The following KLF8 variants were observed in gnomAD, a reference collection of about 807,000 sequenced individuals.
KLF8 encodes the protein KLF transcription factor 8.
KLF8 carries 10 observed loss-of-function variants against 18.2 expected under a neutral mutation model. The observed-to-expected ratio is 0.55, with a 90% CI of 0.34 to 0.93. The LOEUF is 0.93. Ranked by LOEUF, KLF8 falls within the 40% of genes least tolerant of loss-of-function variation. The pLI is 0.02. For synonymous variants in KLF8, 109 were observed against 97.3 expected (o/e 1.12, Z -0.71); for missense variants, 264 against 277.9 (o/e 0.95, Z 0.36).
the KLF8 span, among the ~76,000 whole-genome samples, chrX:55,966,785 G>A: frequency 8.9e-6 from 1 of 111,875 alleles, no homozygotes; most frequent in Non-Finnish European, 1.9e-5. Context: ...GCTAAAGAAG[G>A]CACCAGGGAC....
At chrX:55,989,705 A>T in the KLF8 span, among the ~76,000 whole-genome samples, 1 of 111,857 alleles carries the variant, frequency 8.9e-6, no homozygotes, top group Admixed American at 9.4e-5. Flanking sequence ...TATCAGGATA[A>T]TTCTGGCCTC....
At chrX:55,944,244 T>C in the KLF8 span, among the ~76,000 whole-genome samples, 86 of 109,375 alleles carry the variant, frequency 7.9e-4, no homozygotes, top group Non-Finnish European at 1.2e-3. Context: ...AGTATTTTAT[T>C]GAGGATTTTT....
the KLF8 span, among the ~76,000 whole-genome samples, chrX:55,997,876 G>C: frequency 8.0e-4 from 88 of 110,361 alleles, no homozygotes; most frequent in Non-Finnish European, 1.6e-3. Flanking sequence ...AAAGAAATAA[G>C]GGGACCTGGG....
the KLF8 span, among the ~76,000 whole-genome samples, chrX:55,983,921 C>A: frequency 9.1e-6 from 1 of 109,747 alleles, no homozygotes; most frequent in South Asian, 3.9e-4. Flanking sequence ...ATAATGGTTT[C>A]CAGTTCCACC....
the KLF8 span, among the ~76,000 whole-genome samples, chrX:56,147,851 A>G: frequency 8.9e-6 from 1 of 111,924 alleles, no homozygotes; most frequent in Non-Finnish European, 1.9e-5. Context: ...GGTGGTGCAC[A>G]TCTGTAATCC....
the KLF8 span, among the ~76,000 whole-genome samples, chrX:56,175,552 A>G: frequency 9.0e-6 from 1 of 111,558 alleles, no homozygotes; most frequent in Non-Finnish European, 1.9e-5. Context: ...ACAGTGTGGT[A>G]CTGAGAAGAA....
At chrX:56,123,114 A>C in the KLF8 span, among the ~76,000 whole-genome samples, 2 of 110,576 alleles carry the variant, frequency 1.8e-5, no homozygotes, top group Admixed American at 9.7e-5. Context: ...CTTGGAGAAC[A>C]AGGATTCTAG....
the KLF8 span, among the ~76,000 whole-genome samples, chrX:56,036,372 G>A: frequency 9.0e-6 from 1 of 111,551 alleles, no homozygotes; most frequent in Non-Finnish European, 1.9e-5. Flanking sequence ...GAGAGTTGGT[G>A]GTCTAGTTTT....
At chrX:56,228,128 A>G (rs2066381219), upstream of KLF8, among the ~76,000 whole-genome samples, 1 of 112,235 alleles carries the variant, frequency 8.9e-6, no homozygotes, top group Non-Finnish European at 1.9e-5. Flanking sequence ...GATTTTTATA[A>G]ACTGGTTTAT....
the KLF8 span, among the ~76,000 whole-genome samples, chrX:55,948,637 T>C: frequency 1.2e-4 from 13 of 111,875 alleles, no homozygotes; most frequent in East Asian, 3.4e-3. Context: ...TATAATCTGT[T>C]CTACCCCATA....
At chrX:56,203,687 A>T in the KLF8 span, among the ~76,000 whole-genome samples, 3 of 111,933 alleles carry the variant, frequency 2.7e-5, no homozygotes, top group Non-Finnish European at 5.7e-5. Flanking sequence ...GAGATGGTCC[A>T]TTCCCCAATG....
the KLF8 span, chrX:56,074,630 C>A: frequency 7.4e-6 from 1 of 135,698 alleles, no homozygotes; most frequent in Non-Finnish European, 1.5e-5. Context: ...AATATAAATT[C>A]TAATTCAGTG....
the KLF8 span, among the ~76,000 whole-genome samples, chrX:56,025,308 T>G: frequency 8.9e-6 from 1 of 112,401 alleles, no homozygotes; most frequent in Non-Finnish European, 1.9e-5. Context: ...GATCTTGTCC[T>G]TTTCCATCAA....
chrX:56,103,160 G>C, the KLF8 span, among the ~76,000 whole-genome samples: 1 of 109,844 alleles, frequency 9.1e-6, no homozygotes, highest in African/African-American at 3.3e-5. Flanking sequence ...CTCCAGCTTT[G>C]TTCTTTTGGC....
the KLF8 span, among the ~76,000 whole-genome samples, chrX:56,113,530 TCAGA>T: frequency 5.9e-5 from 6 of 101,042 alleles, no homozygotes. Context: ...ATTTCAGTGG[TCAGA>T]CAGTGACCTG....
the KLF8 span, among the ~76,000 whole-genome samples, chrX:56,217,714 C>T: frequency 6.4e-4 from 72 of 111,735 alleles, no homozygotes; most frequent in Non-Finnish European, 1.2e-3. Flanking sequence ...CCACCGCACC[C>T]GGCTGTCAAT....
the KLF8 span, among the ~76,000 whole-genome samples, chrX:56,087,288 T>G: frequency 5.1e-4 from 57 of 111,008 alleles, 1 homozygote; most frequent in South Asian, 1.2e-3. Context: ...TTATCCCCAG[T>G]GTTGGAGGTG....
chrX:56,177,178 C>T, the KLF8 span, among the ~76,000 whole-genome samples: 1 of 111,765 alleles, frequency 8.9e-6, no homozygotes, highest in Non-Finnish European at 1.9e-5. Flanking sequence ...GAGAGGCGCT[C>T]TGATTTTTAG....
At chrX:55,991,878 G>A in the KLF8 span, among the ~76,000 whole-genome samples, 1 of 112,055 alleles carries the variant, frequency 8.9e-6, no homozygotes, top group African/African-American at 3.2e-5. Context: ...TTTTTCATAT[G>A]CTTCTTGTCC....
Sources: gnomAD v4.1 joint callset for allele counts (sites outside exome capture counted in the v4.1 genomes callset) on GRCh38, gnomAD v4.1.1 for gene constraint, MANE v1.5 for transcripts, NCBI Gene and HGNC (gene_info 2026-07-23, HGNC 2026-07-21) for gene names.